Variants in TRPM2 observed in about 807,000 individuals in gnomAD.
TRPM2 encodes the protein estrogen-responsive element-associated gene 1 protein.
TRPM2 carries 161 observed loss-of-function variants against 174.0 expected under a neutral mutation model. The observed-to-expected ratio is 0.93, with a 90% CI of 0.81 to 1.05. The LOEUF is 1.05. TRPM2 is among the 50% of genes least tolerant of loss of function. The probability of loss-of-function intolerance (pLI) is 0.00; values close to 1 mark genes in which losing one functional copy is unlikely to be tolerated. For missense variants in TRPM2, 2,057 were observed against 2,038.0 expected, an observed-to-expected ratio of 1.01 and a Z score of -0.18; for synonymous variants, 954 against 861.3, an observed-to-expected ratio of 1.11 and a Z score of -1.88.
intron 17 of TRPM2, 75 bp from the exon 18 acceptor site, chr21:44,405,830 G>C (rs1368085392): frequency 3.7e-5 from 57 of 1,547,422 alleles, no homozygotes; most frequent in Non-Finnish European, 4.4e-5. Context: ...GACAGGTGGA[G>C]GGGCGACGGG....
intron 31 of TRPM2, 67 bp downstream of exon 31, chr21:44,440,972 G>T (rs542304785): frequency 2.9e-6 from 4 of 1,399,326 alleles, no homozygotes; most frequent in Admixed American, 3.4e-5. Flanking sequence ...TGGCCTCCGG[G>T]GAGGGGGTTG....
intron 22 of TRPM2, chr21:44,423,373 C>T: frequency 2.2e-6 from 1 of 460,172 alleles, no homozygotes; most frequent in Non-Finnish European, 4.0e-6. Context: ...TCAGTTCACT[C>T]ACCTCCCCCT....
chr21:44,373,196 G>GT lies in TRPM2; in HGVS notation c.772-2627dup, dbSNP rs539074583. Among the ~76,000 whole-genome samples, 375 of 147,602 alleles carry GT rather than the reference G, an allele frequency of 2.5e-3. 2 individuals carry two copies. The highest frequency in any genetic ancestry group is 5.1e-3 in the Admixed American group (75 of 14,784). On this transcript the variant is annotated intron_variant, in intron 5 of 31. Transcript: ENST00000397928. ...TTGGCCCTCTCTCTTTTTTCTTTTT[G>GT]TTTTTTTTTTGAGACAGTCTCACTC...
chr21:44,439,074 G>C lies in TRPM2; in HGVS notation c.4175G>C (p.Arg1392Pro). The change falls in exon 30 of 32, where the codon CGG becomes CCG. Residue 1392 changes from arginine (R) to proline (P), a missense_variant. Arg to Pro is a moderately radical substitution (Grantham distance 103). Transcript: ENST00000397928. This position sits in a 1 kb window ranked among gnomAD's most constrained non-coding sequence, Gnocchi z 5.1. The stretch of plus-strand genomic sequence containing the variant: ...CGTCCTCTGTCTGTCCAGGGCTCCC[G>C]GGAGCCAGGGGAGATGCTACCTCGG... The part of the protein sequence containing the change: ...SEHWALPGGS[R>P]EPGEMLPRKL... 1 of 1,612,580 alleles carries C rather than the reference G, an allele frequency of 6.2e-7. No homozygotes were observed. Among genetic ancestry groups the C allele is most frequent in the Non-Finnish European group, 8.5e-7 (1 of 1,179,546 alleles).
In TRPM2 at chr21:44,354,411, C is replaced by T. The variant is rs991536235; in HGVS notation, c.166-237C>T. On this transcript the variant is annotated intron_variant, in intron 1 of 31. Coordinates refer to ENST00000397928, the MANE Select transcript of TRPM2 (RefSeq NM_003307.4). This position sits in a 1 kb window ranked among gnomAD's most constrained non-coding sequence, Gnocchi z 4.3. ...GTGGTGCTGTAGAAACTGTAAAGTG[C>T]GCGCACATTCAAAATGGTCCCAAGA... Among the ~76,000 whole-genome samples, 1 of 152,146 alleles carries T rather than the reference C, an allele frequency of 6.6e-6. No homozygotes were observed. Among genetic ancestry groups the T allele is most frequent in the African/African-American group, 2.4e-5 (1 of 41,424 alleles).
chr21:44,403,009 A>C (rs2049680280), intron 16 of TRPM2, among the ~76,000 whole-genome samples: 1 of 152,110 alleles, frequency 6.6e-6, no homozygotes, highest in Non-Finnish European at 1.5e-5. Context: ...CCCAGGAAGG[A>C]AGATCAGGTC....
chr21:44,375,209 T>A (rs1349393890), intron 5 of TRPM2, among the ~76,000 whole-genome samples: 1 of 152,232 alleles, frequency 6.6e-6, no homozygotes, highest in Non-Finnish European at 1.5e-5. Context: ...CGCGCCCGTC[T>A]CCGCAAGGCC....
At chr21:44,392,222 A>G (rs1006174634) in intron 11 of TRPM2, among the ~76,000 whole-genome samples, 1 of 150,810 alleles carries the variant, frequency 6.6e-6, no homozygotes, top group Non-Finnish European at 1.5e-5. Flanking sequence ...CTCACCCTCC[A>G]AAAGGCTGGA....
chr21:44,385,913 C>A (rs1178198831), intron 9 of TRPM2, among the ~76,000 whole-genome samples: 1 of 152,210 alleles, frequency 6.6e-6, no homozygotes, highest in Non-Finnish European at 1.5e-5. Flanking sequence ...CTACCTCCAC[C>A]TGGTCTCTCC....
At chr21:44,409,932 G>A (rs543380035) in intron 19 of TRPM2, among the ~76,000 whole-genome samples, 14 of 150,334 alleles carry the variant, frequency 9.3e-5, no homozygotes, top group East Asian at 2.0e-4. Context: ...AGTTTTGATC[G>A]TGCTGTCTTG....
chr21:44,352,825 T>C (rs1300939847), upstream of TRPM2, among the ~76,000 whole-genome samples: 1 of 152,200 alleles, frequency 6.6e-6, no homozygotes, highest in Non-Finnish European at 1.5e-5. Flanking sequence ...AATTATTGTC[T>C]TTTTCCTGGA....
intron 26 of TRPM2, 57 bp downstream of exon 26, chr21:44,426,793 G>T: frequency 6.3e-7 from 1 of 1,594,752 alleles, no homozygotes. Context: ...GGCCTCCTAG[G>T]GGCTCCCTTG....
At chr21:44,370,929 G>T (rs376816113) in intron 5 of TRPM2, among the ~76,000 whole-genome samples, 4 of 152,132 alleles carry the variant, frequency 2.6e-5, no homozygotes, top group African/African-American at 7.2e-5. Context: ...GCTCAGCCAC[G>T]CTCCCTCTCT....
chr21:44,410,031 G>A (rs900498263), intron 19 of TRPM2, among the ~76,000 whole-genome samples: 61 of 150,530 alleles, frequency 4.1e-4, no homozygotes, highest in African/African-American at 7.3e-4. Context: ...CTTGGTTGGC[G>A]TAGCCTTGTA....
At chr21:44,370,745 G>A (rs550998488) in intron 5 of TRPM2, among the ~76,000 whole-genome samples, 2 of 152,310 alleles carry the variant, frequency 1.3e-5, no homozygotes, top group South Asian at 4.1e-4. Flanking sequence ...TGTCCGGCGG[G>A]GTCGGACTGG....
At chr21:44,370,425 G>C (rs1056654368) in intron 5 of TRPM2, among the ~76,000 whole-genome samples, 7 of 152,158 alleles carry the variant, frequency 4.6e-5, no homozygotes, top group African/African-American at 1.7e-4. Context: ...GCTTTAATCC[G>C]GAGCCTTGAG....
chr21:44,393,447 T>C (rs2049243967), intron 11 of TRPM2, among the ~76,000 whole-genome samples: 2 of 152,164 alleles, frequency 1.3e-5, no homozygotes, highest in African/African-American at 4.8e-5. Context: ...TTGGCAACAT[T>C]TTCAGGATGT....
intron 22 of TRPM2, among the ~76,000 whole-genome samples, chr21:44,420,958 T>C (rs2050526976): frequency 6.6e-6 from 1 of 152,164 alleles, no homozygotes; most frequent in South Asian, 2.1e-4. Flanking sequence ...GCCAGCGGTG[T>C]GGCCTGGAAT....
intron 2 of TRPM2, among the ~76,000 whole-genome samples, chr21:44,357,118 G>A (rs541906074): frequency 6.6e-6 from 1 of 152,264 alleles, no homozygotes; most frequent in East Asian, 1.9e-4. Context: ...AACCGTCTGG[G>A]AAGGCAGCCC....
Sources: gnomAD v4.1 joint callset for allele counts (sites outside exome capture counted in the v4.1 genomes callset) on GRCh38, gnomAD v4.1.1 for gene constraint, Gnocchi (gnomAD v3.1) non-coding constraint, MANE v1.5 for transcripts, NCBI Gene and HGNC (gene_info 2026-07-23, HGNC 2026-07-21) for gene names.